Variants in FBXO41 observed in about 807,000 individuals in gnomAD.
The protein encoded by FBXO41 is F-box only protein 41.
FBXO41 carries 33 observed loss-of-function variants against 81.6 expected under a neutral mutation model. That is an observed-to-expected ratio of 0.40 (90% confidence interval 0.31 to 0.54). FBXO41 has a LOEUF of 0.54. Ranked by LOEUF, FBXO41 falls within the 20% of genes least tolerant of loss-of-function variation. FBXO41 has a pLI of 0.39. For missense variants in FBXO41, 1,107 were observed against 1,236.0 expected (o/e 0.90, Z 1.56); for synonymous variants, 576 against 552.7 (o/e 1.04, Z -0.59).
intron 1 of FBXO41, among the ~76,000 whole-genome samples, chr2:73,275,321 T>C (rs1447275124): frequency 6.6e-6 from 1 of 152,132 alleles, no homozygotes; most frequent in Non-Finnish European, 1.5e-5. Flanking sequence ...TAGCTGGGAT[T>C]GCAAGCACCC....
chr2:73,264,311 C>T lies in FBXO41; in HGVS notation c.1773G>A (p.Arg591=), dbSNP rs748313437. The change falls in exon 6 of 13, where the codon AGG becomes AGA. Residue 591 remains arginine (R), a synonymous_variant. Coordinates refer to ENST00000520530, the MANE Select transcript of FBXO41 (RefSeq NM_001371389.2). ...FVARHPAVWT[R]VLLENARVCS... Reference sequence around the variant, plus strand: ...AGACACGGGCATTCTCAAGCAGCACCCTTGTCCAGACTGCGGGGTGGCGGG... The same window carrying T: ...AGACACGGGCATTCTCAAGCAGCACTCTTGTCCAGACTGCGGGGTGGCGGG... 4 of 1,613,612 alleles carry T rather than the reference C, an allele frequency of 2.5e-6. No homozygotes were observed. The South Asian group carries it at 4.4e-5, about 18-fold the overall frequency.
chr2:73,283,837 C>T (rs760239746), intron 1 of FBXO41, among the ~76,000 whole-genome samples: 1 of 152,246 alleles, frequency 6.6e-6, no homozygotes, highest in South Asian at 2.1e-4. Context: ...TCCCCTCCCC[C>T]CTCCCTCTGG....
chr2:73,271,857 C>T (rs547974343), intron 1 of FBXO41, among the ~76,000 whole-genome samples: 3 of 152,302 alleles, frequency 2.0e-5, no homozygotes, highest in African/African-American at 7.2e-5. Flanking sequence ...TCTCAAACTC[C>T]TGACCTCAAG....
rs1483038272 is a variant in FBXO41 at position 73,269,675 on chromosome 2, C to G, written c.-45G>C. ...CACGCGGGCTCCACCGCGGCCGCCC[C>G]GCCGGTCAGCCGGGCGCGCTCATGG... is the stretch of plus-strand genomic sequence containing the variant. On this transcript the variant is annotated 5_prime_UTR_variant, in exon 2 of 13. Transcript: ENST00000520530. The surrounding 1 kb of genome is among the most constrained non-coding windows in gnomAD (Gnocchi z 7.0). 3 of 1,136,488 alleles carry G rather than the reference C, an allele frequency of 2.6e-6. No homozygotes were observed. Among genetic ancestry groups the G allele is most frequent in the Non-Finnish European group, 3.2e-6 (3 of 929,092 alleles). The allele number at this position is 1,136,488 out of a possible 1,614,324, so 70.4% of individuals were successfully genotyped here.
chr2:73,268,562 A>G (rs1688363460), intron 2 of FBXO41, among the ~76,000 whole-genome samples, 164 bp downstream of exon 2: 1 of 152,186 alleles, frequency 6.6e-6, no homozygotes, highest in Non-Finnish European at 1.5e-5. Flanking sequence ...AGTACCACAT[A>G]TCATCATGAC....
At chr2:73,283,923 G>A (rs1688919104) in intron 1 of FBXO41, among the ~76,000 whole-genome samples, 1 of 152,094 alleles carries the variant, frequency 6.6e-6, no homozygotes, top group African/African-American at 2.4e-5. Context: ...CTCAGGGAGC[G>A]ACAGGCGAGA....
chr2:73,265,213 G>C, intron 5 of FBXO41, 69 bp downstream of exon 5: 1 of 1,409,650 alleles, frequency 7.1e-7, no homozygotes, highest in Non-Finnish European at 9.5e-7. Context: ...AAAGGGGAGG[G>C]GGGTGCAGGA....
At chr2:73,265,044 T>C (rs957766304) in intron 5 of FBXO41, among the ~76,000 whole-genome samples, 2 of 152,176 alleles carry the variant, frequency 1.3e-5, no homozygotes, top group African/African-American at 4.8e-5. Flanking sequence ...TAAATGTTGA[T>C]GAGCCTACCA....
At chr2:73,283,231 C>T (rs1688896113) in intron 1 of FBXO41, among the ~76,000 whole-genome samples, 1 of 152,138 alleles carries the variant, frequency 6.6e-6, no homozygotes, top group South Asian at 2.1e-4. Context: ...CCCTCTGAGT[C>T]CCCCAAGAAG....
chr2:73,269,344 G>A lies in FBXO41; in HGVS notation c.287C>T (p.Ala96Val), dbSNP rs765936173. ...STSFQGKEQA[A>V]GPSPAAPHLL... ...GTGCGGCGCCGCGGGCGACGGCCCGGCCGCCTGCTCCTTGCCCTGGAAGGA... is the reference window on the plus strand; with the variant it reads ...GTGCGGCGCCGCGGGCGACGGCCCGACCGCCTGCTCCTTGCCCTGGAAGGA... The change falls in exon 2 of 13, where the codon GCC becomes GTC. Residue 96 changes from alanine to valine, a missense_variant. Physicochemically the swap from Ala to Val is moderately conservative, Grantham distance 64. Around this residue, in one of 2 missense-constraint regions of FBXO41, gnomAD observed 771 missense variants for 789.2 expected, o/e 0.98. Coordinates refer to ENST00000520530, the MANE Select transcript of FBXO41 (RefSeq NM_001371389.2). This position sits in a 1 kb window ranked among gnomAD's most constrained non-coding sequence, Gnocchi z 7.0. 1.3e-6 allele frequency: 2 copies of A among 1,518,670 alleles called. No individual in the cohort carries two copies. Among genetic ancestry groups the A allele is most frequent in the Non-Finnish European group, 1.8e-6 (2 of 1,134,632 alleles). 94.1% of individuals were successfully genotyped at this position (1,518,670 alleles called of 1,614,324 possible).
In FBXO41 at chr2:73,260,641, C is replaced by T; in HGVS notation, c.2291-94G>A. Reference sequence around the variant, plus strand: ...CTACCACCCTGCCACCTGCCACCACCCAGGCTGCAGCCCCAAGCCCCTGTG... The same window carrying T: ...CTACCACCCTGCCACCTGCCACCACTCAGGCTGCAGCCCCAAGCCCCTGTG... On this transcript the variant is annotated intron_variant, in intron 10 of 12. Transcript: ENST00000520530. This position sits in a 1 kb window ranked among gnomAD's most constrained non-coding sequence, Gnocchi z 5.0. The T allele has an allele frequency of 6.5e-7, 1 of 1,531,486 alleles. No homozygotes were observed. Among genetic ancestry groups the T allele is most frequent in the Non-Finnish European group, 8.8e-7 (1 of 1,133,858 alleles). 94.9% of individuals were successfully genotyped at this position (1,531,486 alleles called of 1,614,324 possible). A position where few individuals can be genotyped will look rare whatever the true frequency, so the allele number is the denominator to read the frequency against.
chr2:73,261,570 C>G (rs1688022193), intron 9 of FBXO41, among the ~76,000 whole-genome samples: 1 of 152,204 alleles, frequency 6.6e-6, no homozygotes, highest in South Asian at 2.1e-4. Flanking sequence ...TCTCTACCCT[C>G]AAAGAGTGGA....
rs1295857271 is a variant in FBXO41, at chr2:73,266,842, C to T, written c.906-160G>A. 6.1e-6 allele frequency: 7 copies of T among 1,147,040 alleles called. No individual in the cohort carries two copies. The Admixed American group carries it at 1.2e-4, about 20-fold the overall frequency. The allele number at this position is 1,147,040 out of a possible 1,614,324, so 71.1% of individuals were successfully genotyped here. A position where few individuals can be genotyped will look rare whatever the true frequency, so the allele number is the denominator to read the frequency against. The stretch of plus-strand genomic sequence containing the variant: ...GCAGAACAGGCCTAGCACACAGCCC[C>T]GCACGATGACACATACAGAAATGCA... On this transcript the variant is annotated intron_variant, in intron 2 of 12. Transcript: ENST00000520530. This position sits in a 1 kb window ranked among gnomAD's most constrained non-coding sequence, Gnocchi z 5.3.
At position 73,265,320 on chromosome 2, in the gene FBXO41, G is replaced by A. The variant is rs956554328; in HGVS notation, c.1526C>T (p.Pro509Leu). The change falls in exon 5 of 13, where the codon CCT becomes CTT. Residue 509 changes from proline (P) to leucine (L), a missense_variant. Pro to Leu is a moderately conservative substitution (Grantham distance 98, BLOSUM62 -3). Transcript: ENST00000520530. ...EGPLDAPRPG[P>L]AMAGPLSSCR... ...GCTGCTCAATGGCCCAGCCATAGCA[G>A]GCCCGGGGCGGGGCGCATCCAACGG... 6.2e-7 allele frequency: 1 copy of A among 1,610,964 alleles called. No individual in the cohort carries two copies.
intron 1 of FBXO41, among the ~76,000 whole-genome samples, chr2:73,272,601 T>C (rs1289999860): frequency 6.6e-6 from 1 of 152,214 alleles, no homozygotes; most frequent in Non-Finnish European, 1.5e-5. Context: ...AAGGGGCAGA[T>C]GACCTTTTGC....
chr2:73,265,617 G>A lies in FBXO41; in HGVS notation c.1229C>T (p.Ala410Val), dbSNP rs1453288836. The change falls in exon 5 of 13, where the codon GCA becomes GTA. Residue 410 changes from alanine to valine, a missense_variant. Transcript: ENST00000520530. ...STGASSRVPAASQSSGCYDSD... is the reference protein window; with the variant it reads ...STGASSRVPAVSQSSGCYDSD... Reference sequence around the variant, plus strand: ...GTCATAGCAGCCTGAGCTCTGGGATGCGGCTGGCACACGGCTGGAGGCCCT... The same window carrying A: ...GTCATAGCAGCCTGAGCTCTGGGATACGGCTGGCACACGGCTGGAGGCCCT... 5.9e-6 allele frequency: 9 copies of A among 1,521,078 alleles called. No homozygotes were observed. Among genetic ancestry groups the A allele is most frequent in the Non-Finnish European group, 6.2e-6 (7 of 1,135,816 alleles). 94.2% of individuals were successfully genotyped at this position (1,521,078 alleles called of 1,614,324 possible).
Position 73,254,843 on chromosome 2 carries a change from G to A in FBXO41, c.*4139C>T, listed in dbSNP as rs1294672516. On this transcript the variant is annotated 3_prime_UTR_variant, in exon 13 of 13. Coordinates refer to ENST00000520530, the MANE Select transcript of FBXO41 (RefSeq NM_001371389.2). Reference sequence around the variant, plus strand: ...TGCTGGGATGGCGATGCCTGGGTGGGGCAGAGAAGTGTGGCCAGGGAAGGC... The same window carrying A: ...TGCTGGGATGGCGATGCCTGGGTGGAGCAGAGAAGTGTGGCCAGGGAAGGC... The A allele has an allele frequency of 6.5e-6, 1 of 152,722 alleles. No homozygotes were observed. The highest frequency in any genetic ancestry group is 1.5e-5 in the Non-Finnish European group (1 of 68,066). 9.5% of individuals were successfully genotyped at this position (152,722 alleles called of 1,614,324 possible).
Position 73,269,330 on chromosome 2 carries a change from CG to C in FBXO41, c.300del (p.Ala101ArgfsTer122). The C allele has an allele frequency of 6.6e-7, 1 of 1,523,060 alleles. No homozygotes were observed. Among genetic ancestry groups the C allele is most frequent in the Non-Finnish European group, 8.8e-7 (1 of 1,136,084 alleles). 94.3% of individuals were successfully genotyped at this position (1,523,060 alleles called of 1,614,324 possible). ...TGGTGGTGCAGCAGGTGCGGCGCCG[CG>C]GGCGACGGCCCGGCCGCCTGCTCCT... Reference protein sequence around the residue: ...QGKEQAAGPSPAAPHLLHHHH... With the variant: ...QGKEQAAGPSXAAPHLLHHHH... On this transcript the variant is annotated frameshift_variant, in exon 2 of 13. Coordinates refer to ENST00000520530, the MANE Select transcript of FBXO41 (RefSeq NM_001371389.2). LOFTEE classifies it high-confidence loss of function. The surrounding 1 kb of genome is among the most constrained non-coding windows in gnomAD (Gnocchi z 7.0).
At position 73,260,812 on chromosome 2, in the gene FBXO41, G is replaced by A. The variant is rs1379678430; in HGVS notation, c.2218C>T (p.Arg740Cys). Residue 740 changes from arginine to cysteine, a missense_variant, in exon 10 of 13, where the codon CGC becomes TGC. By Grantham distance (180) the Arg-to-Cys change is radical (BLOSUM62 -3). This residue lies in a region of FBXO41 where 336 missense variants were observed against 446.7 expected (regional missense o/e 0.75). Coordinates refer to ENST00000520530, the MANE Select transcript of FBXO41 (RefSeq NM_001371389.2). This position sits in a 1 kb window ranked among gnomAD's most constrained non-coding sequence, Gnocchi z 5.0. Reference protein sequence around the residue: ...FSNRCLQMIGRCWPHLRALGV... With the variant: ...FSNRCLQMIGCCWPHLRALGV... ...AGGGCCCGCAGGTGGGGCCAACAGC[G>A]ACCAATCATCTGCAGGCAGCGGTTA... 7 of 1,570,048 alleles carry A rather than the reference G, an allele frequency of 4.5e-6. No homozygotes were observed. Among genetic ancestry groups the A allele is most frequent in the South Asian group, 2.3e-5 (2 of 85,492 alleles).
Sources: gnomAD v4.1 joint callset for allele counts (sites outside exome capture counted in the v4.1 genomes callset) on GRCh38, gnomAD v4.1.1 for gene constraint, gnomAD v4.1.1 regional missense constraint, Gnocchi (gnomAD v3.1) non-coding constraint, MANE v1.5 for transcripts, NCBI Gene and HGNC (gene_info 2026-07-23, HGNC 2026-07-21) for gene names.